TBC1D4: variants seen among roughly 807,000 people sequenced by gnomAD.
The protein encoded by TBC1D4 is TBC1 domain family member 4.
A neutral mutation model predicts 142.5 loss-of-function variants in TBC1D4; 121 were observed. That is an observed-to-expected ratio of 0.85 (90% CI 0.73 to 0.99). The LOEUF is 0.99. Among genes scored for constraint, TBC1D4 ranks in the 50% least tolerant of loss-of-function variants. The pLI is 0.00. For missense variants in TBC1D4, 1,475 were observed against 1,606.6 expected (o/e 0.92, Z 1.40); for synonymous variants, 630 against 628.2 (o/e 1.00, Z -0.04).
At chr13:75,401,918 G>C (rs983982874) in intron 1 of TBC1D4, among the ~76,000 whole-genome samples, 3 of 152,218 alleles carry the variant, frequency 2.0e-5, no homozygotes, top group Non-Finnish European at 4.4e-5. Context: ...ACATTAAGCA[G>C]TGAGGAATTA....
At position 75,456,678 on chromosome 13, in the gene TBC1D4, A is replaced by G. The variant is rs75906427; in HGVS notation, c.498+24592T>C. ...ACTAAGAAGAATGTAGAGCTATTAG[A>G]ACTGTCACACATTGCTGGTGGGAGT... On this transcript the variant is annotated intron_variant, in intron 1 of 20. Transcript: ENST00000377636. Among the ~76,000 whole-genome samples, 583 of 151,452 alleles carry G rather than the reference A, an allele frequency of 3.8e-3. 4 individuals are homozygous for G. Among genetic ancestry groups the G allele is most frequent in the African/African-American group, 0.014 (557 of 41,180 alleles).
At chr13:75,391,475 A>G (rs1884486352) in intron 1 of TBC1D4, among the ~76,000 whole-genome samples, 1 of 152,174 alleles carries the variant, frequency 6.6e-6, no homozygotes, top group South Asian at 2.1e-4. Flanking sequence ...TCCCTATCAT[A>G]TTAGACCCAT....
rs1373765301 is a variant in TBC1D4 at position 75,299,441 on chromosome 13, A to G, written c.3045T>C (p.Ala1015=). 3 of 1,614,200 alleles carry G rather than the reference A, an allele frequency of 1.9e-6. No homozygotes were observed. Among genetic ancestry groups the G allele is most frequent in the Non-Finnish European group, 2.5e-6 (3 of 1,180,036 alleles). ...CACTCATGTGCAGAAGCAGGACTCC[A>G]GCCACAAAGCTGATCCCCTGACAGT... ...VGYCQGISFV[A]GVLLLHMSEE... is the part of the protein sequence containing the mutation. Residue 1015 remains alanine (A), a synonymous_variant, in exon 17 of 21, where the codon GCT becomes GCC. Coordinates refer to ENST00000377636, the MANE Select transcript of TBC1D4 (RefSeq NM_014832.5).
At chr13:75,338,609 G>A (rs985324102) in intron 7 of TBC1D4, among the ~76,000 whole-genome samples, 3 of 151,984 alleles carry the variant, frequency 2.0e-5, no homozygotes, top group African/African-American at 4.8e-5. Flanking sequence ...TGCACATCTC[G>A]TGAACATCCT....
At chr13:75,306,104 C>A (rs1440695598) in intron 15 of TBC1D4, among the ~76,000 whole-genome samples, 1 of 152,156 alleles carries the variant, frequency 6.6e-6, no homozygotes, top group Non-Finnish European at 1.5e-5. Context: ...TTGGTAAACA[C>A]CACCACCATG....
intron 11 of TBC1D4, among the ~76,000 whole-genome samples, chr13:75,324,002 A>G (rs576311305): frequency 1.4e-4 from 21 of 152,314 alleles, no homozygotes; most frequent in African/African-American, 4.8e-4. Flanking sequence ...AAACAATACA[A>G]AAAGCATAAT....
intron 1 of TBC1D4, among the ~76,000 whole-genome samples, chr13:75,365,052 G>A (rs1391851142): frequency 6.6e-6 from 1 of 152,058 alleles, no homozygotes; most frequent in Non-Finnish European, 1.5e-5. Context: ...CTGATTTGTG[G>A]CTGAATTTCT....
At chr13:75,391,437 A>G (rs549456553) in intron 1 of TBC1D4, among the ~76,000 whole-genome samples, 2 of 152,254 alleles carry the variant, frequency 1.3e-5, no homozygotes, top group Admixed American at 1.3e-4. Flanking sequence ...TGACTGCCAC[A>G]TTGCTAAACC....
Position 75,481,681 on chromosome 13 carries a change from CCCGGGG to C in TBC1D4, c.81_86del (p.Pro28_Gly29del). 6.2e-6 allele frequency: 10 copies of C among 1,601,148 alleles called. No homozygotes were observed. The highest frequency in any genetic ancestry group is 8.5e-6 in the Non-Finnish European group (10 of 1,174,708). On this transcript the variant is annotated inframe_deletion, in exon 1 of 21. Coordinates refer to ENST00000377636, the MANE Select transcript of TBC1D4 (RefSeq NM_014832.5). ...GCCGGAACCGCTTATCGCTTGGCTT[CCCGGGG>C]CCGGGCTGAGCTGAGACGCCCGGCT... is the stretch of plus-strand genomic sequence containing the variant.
intron 12 of TBC1D4, among the ~76,000 whole-genome samples, chr13:75,315,425 CAT>C (rs984133210): frequency 1.6e-3 from 30 of 18,282 alleles, no homozygotes; most frequent in Non-Finnish European, 5.3e-3. Context: ...TATACACACA[CAT>C]ATATATATAT....
At chr13:75,410,492 A>T (rs1326200150) in intron 1 of TBC1D4, among the ~76,000 whole-genome samples, 1 of 152,178 alleles carries the variant, frequency 6.6e-6, no homozygotes, top group Non-Finnish European at 1.5e-5. Flanking sequence ...AATAAACTCC[A>T]CACGTGCTGT....
intron 1 of TBC1D4, among the ~76,000 whole-genome samples, chr13:75,410,272 G>A (rs868379811): frequency 3.3e-5 from 5 of 151,920 alleles, no homozygotes; most frequent in Non-Finnish European, 2.9e-5. Context: ...TCAGTCTACC[G>A]TCTGCTATGG....
chr13:75,384,656 A>G (rs970446569), intron 1 of TBC1D4, among the ~76,000 whole-genome samples: 3 of 152,018 alleles, frequency 2.0e-5, no homozygotes, highest in Non-Finnish European at 2.9e-5. Flanking sequence ...TGATGATAAC[A>G]TATTTCTTTA....
chr13:75,460,901 T>A (rs1226988083), intron 1 of TBC1D4, among the ~76,000 whole-genome samples: 1 of 152,004 alleles, frequency 6.6e-6, no homozygotes, highest in Non-Finnish European at 1.5e-5. Context: ...CCAGCCTGGG[T>A]AACAGAGCAA....
At chr13:75,471,881 C>T (rs918737986) in intron 1 of TBC1D4, among the ~76,000 whole-genome samples, 7 of 151,700 alleles carry the variant, frequency 4.6e-5, no homozygotes, top group South Asian at 2.1e-4. Context: ...CCGAGGCGGG[C>T]GGATCACCTG....
intron 5 of TBC1D4, among the ~76,000 whole-genome samples, chr13:75,344,421 T>C (rs1880988403): frequency 6.6e-6 from 1 of 152,254 alleles, no homozygotes; most frequent in Non-Finnish European, 1.5e-5. Context: ...TTTCAAACTA[T>C]ACATGCTCCC....
At chr13:75,329,130 T>C (rs902761404) in intron 8 of TBC1D4, among the ~76,000 whole-genome samples, 1 of 151,616 alleles carries the variant, frequency 6.6e-6, no homozygotes, top group Non-Finnish European at 1.5e-5. Context: ...CACACACACC[T>C]TTCTTCCCCT....
intron 1 of TBC1D4, 80 bp downstream of exon 1, chr13:75,481,190 T>C (rs1288458384): frequency 1.4e-6 from 2 of 1,453,632 alleles, no homozygotes; most frequent in Non-Finnish European, 1.8e-6. Context: ...GTCCTTAAAG[T>C]GGGGTCCCCG....
rs553900506 is a variant in TBC1D4 at position 75,295,646 on chromosome 13, A to C, written c.3157-633T>G. On this transcript the variant is annotated intron_variant, in intron 17 of 20. Transcript: ENST00000377636. ...TCTGAATATTTCTAGAACTAAAAGA[A>C]AAAATTATTTCATTTGGCTACTGAG... Among the ~76,000 whole-genome samples the C allele has an allele frequency of 8.5e-5, 13 of 152,338 alleles. No homozygotes were observed. The South Asian group carries it at 2.3e-3, about 27-fold the overall frequency.
Sources: gnomAD v4.1 joint callset for allele counts (sites outside exome capture counted in the v4.1 genomes callset) on GRCh38, gnomAD v4.1.1 for gene constraint, MANE v1.5 for transcripts, NCBI Gene and HGNC (gene_info 2026-07-23, HGNC 2026-07-21) for gene names.